The following SIN3B variants were observed in gnomAD, a reference collection of about 807,000 sequenced individuals.
SIN3B encodes the protein SIN3 transcription regulator family member B, also known as paired amphipathic helix protein Sin3b.
A neutral mutation model predicts 120.2 loss-of-function variants in SIN3B; 19 were observed. The ratio of observed to expected loss-of-function variants is 0.16; its 90% confidence interval spans 0.11 to 0.23. SIN3B has a LOEUF of 0.23. Ranked by LOEUF, SIN3B falls within the 10% of genes least tolerant of loss-of-function variation. SIN3B has a pLI of 1.00. For missense variants in SIN3B, 1,073 were observed against 1,573.0 expected, an observed-to-expected ratio of 0.68 and a Z score of 5.38; for synonymous variants, 654 against 653.2, an observed-to-expected ratio of 1.00 and a Z score of -0.02.
chr19:16,869,309 C>T (rs948786268), intron 12 of SIN3B, 151 bp from the exon 13 acceptor site: 7 of 991,712 alleles, frequency 7.1e-6, no homozygotes, highest in Non-Finnish European at 1.0e-5. Context: ...CCCCCCAGGC[C>T]CTGCTGCCTC....
chr19:16,833,376 G>A (rs1338418501), intron 3 of SIN3B, among the ~76,000 whole-genome samples: 1 of 152,178 alleles, frequency 6.6e-6, no homozygotes, highest in Non-Finnish European at 1.5e-5. Context: ...GCTCACGCCT[G>A]TAATCCCAGC....
At chr19:16,851,747 AAGG>A (rs773249433) in intron 6 of SIN3B, among the ~76,000 whole-genome samples, 7 of 152,284 alleles carry the variant, frequency 4.6e-5, no homozygotes, top group Admixed American at 1.3e-4. Flanking sequence ...TTGTTTTGAA[AAGG>A]AGGAGGAGGA....
intron 3 of SIN3B, among the ~76,000 whole-genome samples, chr19:16,839,822 G>T (rs189006984): frequency 1.3e-5 from 2 of 152,122 alleles, no homozygotes; most frequent in African/African-American, 2.4e-5. Flanking sequence ...AGCGAGACCA[G>T]CCTGGCCAAT....
chr19:16,867,532 C>T (rs1971793267), intron 12 of SIN3B, among the ~76,000 whole-genome samples: 1 of 152,148 alleles, frequency 6.6e-6, no homozygotes, highest in South Asian at 2.1e-4. Flanking sequence ...GGTCCTTGGA[C>T]ACTCTGAGGA....
chr19:16,876,402 C>A lies in SIN3B; in HGVS notation c.2767-84C>A. The A allele has an allele frequency of 6.8e-7, 1 of 1,461,106 alleles. No homozygotes were observed. The highest frequency in any genetic ancestry group is 9.4e-7 in the Non-Finnish European group (1 of 1,061,762). The allele number at this position is 1,461,106 out of a possible 1,614,324, so 90.5% of individuals were successfully genotyped here. A position where few individuals can be genotyped will look rare whatever the true frequency, so the allele number is the denominator to read the frequency against. ...CAGGGCTTTGGGAGGGTGGCAAAGG[C>A]GGGAGGCGGGTGGCCTTGCGAGCCT... On this transcript the variant is annotated intron_variant, in intron 15 of 18. Coordinates refer to ENST00000248054, the MANE Select transcript of SIN3B (RefSeq NM_001297595.2). The surrounding 1 kb of genome is among the most constrained non-coding windows in gnomAD (Gnocchi z 7.1).
Position 16,847,131 on chromosome 19 carries a change from C to T in SIN3B, c.726+18C>T. 1 of 1,600,410 alleles carries T rather than the reference C, an allele frequency of 6.2e-7. No individual in the cohort carries two copies. Among genetic ancestry groups the T allele is most frequent in the Non-Finnish European group, 8.6e-7 (1 of 1,169,286 alleles). On this transcript the variant is annotated intron_variant, in intron 5 of 18. Coordinates refer to ENST00000248054, the MANE Select transcript of SIN3B (RefSeq NM_001297595.2). Reference sequence around the variant, plus strand: ...GGTCTCTGGTGAGTGCCGAGAGCCCCTGCCCAGCCTCGGGGGCCTCAGCGA... The same window carrying T: ...GGTCTCTGGTGAGTGCCGAGAGCCCTTGCCCAGCCTCGGGGGCCTCAGCGA...
chr19:16,865,353 C>T, intron 10 of SIN3B, 57 bp from the exon 11 acceptor site: 1 of 1,065,284 alleles, frequency 9.4e-7, no homozygotes, highest in East Asian at 3.4e-5. Context: ...CCAGGCTCCT[C>T]TCTGAGGCCT....
At chr19:16,836,715 G>C (rs1971353249) in intron 3 of SIN3B, among the ~76,000 whole-genome samples, 1 of 152,108 alleles carries the variant, frequency 6.6e-6, no homozygotes, top group Admixed American at 6.6e-5. Context: ...TCAGCTAGCG[G>C]GTCCTCTTCA....
At chr19:16,870,171 C>A in intron 13 of SIN3B, 96 bp downstream of exon 13, 1 of 1,288,894 alleles carries the variant, frequency 7.8e-7, no homozygotes, top group Non-Finnish European at 1.0e-6. Context: ...TTCTTTCTGG[C>A]TTTTCATTTT....
Position 16,876,022 on chromosome 19 carries a change from G to A in SIN3B, c.2593-33G>A. The A allele has an allele frequency of 1.3e-6, 2 of 1,530,458 alleles. No individual in the cohort carries two copies. The highest frequency in any genetic ancestry group is 1.8e-6 in the Non-Finnish European group (2 of 1,135,946). The allele number at this position is 1,530,458 out of a possible 1,614,324, so 94.8% of individuals were successfully genotyped here. A position where few individuals can be genotyped will look rare whatever the true frequency, so the allele number is the denominator to read the frequency against. On this transcript the variant is annotated intron_variant, in intron 14 of 18. Transcript: ENST00000248054. This position sits in a 1 kb window ranked among gnomAD's most constrained non-coding sequence, Gnocchi z 7.1. ...GAGGTGGGGACTCCCGCAGGAGGCG[G>A]GGTGGCCGCACCACCTGCTTTCCTC...
intron 8 of SIN3B, among the ~76,000 whole-genome samples, chr19:16,857,383 A>G (rs1349811165): frequency 6.6e-6 from 1 of 152,158 alleles, no homozygotes; most frequent in Non-Finnish European, 1.5e-5. Context: ...TCAGCCTCAA[A>G]GAGTGTGTTT....
At chr19:16,852,881 G>T (rs1261762678) in intron 6 of SIN3B, among the ~76,000 whole-genome samples, 188 bp from the exon 7 acceptor site, 4 of 152,148 alleles carry the variant, frequency 2.6e-5, no homozygotes, top group African/African-American at 9.7e-5. Flanking sequence ...GCAGTGGCAG[G>T]TATCCCCAGA....
At position 16,879,118 on chromosome 19, in the gene SIN3B, T is replaced by C. The variant is rs529407988; in HGVS notation, c.*391T>C. 1.9e-4 allele frequency: 45 copies of C among 233,916 alleles called. No homozygotes were observed. In the South Asian group the frequency reaches 3.8e-3, roughly 20 times the overall value. 14.5% of individuals were successfully genotyped at this position (233,916 alleles called of 1,614,324 possible). A position where few individuals can be genotyped will look rare whatever the true frequency, so the allele number is the denominator to read the frequency against. ...GACAGCCCTCCTGAGGCCCACACTTTGGAGGGGGTCCATGTCCAAGAGACC... is the reference window on the plus strand; with the variant it reads ...GACAGCCCTCCTGAGGCCCACACTTCGGAGGGGGTCCATGTCCAAGAGACC... On this transcript the variant is annotated 3_prime_UTR_variant, in exon 19 of 19. Coordinates refer to ENST00000248054, the MANE Select transcript of SIN3B (RefSeq NM_001297595.2).
chr19:16,870,988 G>T (rs995442422), intron 13 of SIN3B, among the ~76,000 whole-genome samples: 1 of 152,246 alleles, frequency 6.6e-6, no homozygotes, highest in Non-Finnish European at 1.5e-5. Flanking sequence ...ACCATGCCTG[G>T]CCTCCACAGC....
chr19:16,853,899 C>T (rs1971578319), intron 7 of SIN3B, among the ~76,000 whole-genome samples: 1 of 150,448 alleles, frequency 6.6e-6, no homozygotes, highest in Non-Finnish European at 1.5e-5. Flanking sequence ...CGTGCCTGTG[C>T]TGTGTGAATT....
At chr19:16,836,969 T>G (rs4808530) in intron 3 of SIN3B, among the ~76,000 whole-genome samples, 2 of 152,094 alleles carry the variant, frequency 1.3e-5, no homozygotes, top group African/African-American at 2.4e-5. Context: ...AGGCCCTGCT[T>G]TCAGGGTTCC....
intron 5 of SIN3B, among the ~76,000 whole-genome samples, chr19:16,849,993 G>T (rs960443610): frequency 2.0e-5 from 3 of 151,130 alleles, no homozygotes; most frequent in Non-Finnish European, 2.9e-5. Context: ...GTGGAGAATT[G>T]TGTAGATGCC....
intron 16 of SIN3B, chr19:16,877,303 G>A: frequency 1.9e-6 from 1 of 521,440 alleles, no homozygotes; most frequent in Non-Finnish European, 3.4e-6. Flanking sequence ...GCTTCCGGGG[G>A]CTTCTGGCGC....
At chr19:16,860,624 G>A (rs564630617) in intron 8 of SIN3B, among the ~76,000 whole-genome samples, 43 of 141,606 alleles carry the variant, frequency 3.0e-4, no homozygotes, top group African/African-American at 9.7e-4. Flanking sequence ...TTTTTGAGAC[G>A]GAGTCTCGCT....
Sources: allele counts gnomAD v4.1 joint callset (sites outside exome capture counted in the v4.1 genomes callset), GRCh38; gene constraint gnomAD v4.1.1; non-coding constraint Gnocchi (gnomAD v3.1); transcripts MANE v1.5; gene names NCBI Gene and HGNC (gene_info 2026-07-23, HGNC 2026-07-21).